Variants in POMT1 observed in about 807,000 individuals in gnomAD.
POMT1 encodes protein O-mannosyl-transferase 1.
Under a neutral mutation model 101.6 loss-of-function variants are expected in POMT1, and 85 were observed. The ratio of observed to expected loss-of-function variants is 0.84; its 90% CI spans 0.70 to 1.00. POMT1 has a LOEUF of 1.00. Ranked by LOEUF, POMT1 falls within the 50% of genes least tolerant of loss-of-function variation. POMT1 has a pLI of 0.00. For missense variants in POMT1, 857 were observed against 930.4 expected, an observed-to-expected ratio of 0.92 and a Z score of 1.03; for synonymous variants, 371 against 383.0, an observed-to-expected ratio of 0.97 and a Z score of 0.37.
chr9:131,510,034 G>A, intron 8 of POMT1, 38 bp downstream of exon 8: 2 of 1,614,156 alleles, frequency 1.2e-6, no homozygotes, highest in Non-Finnish European at 1.7e-6. Context: ...AGGCCGGCCT[G>A]TATGGGGCAG....
At chr9:131,505,942 G>A (rs925532606) in intron 2 of POMT1, among the ~76,000 whole-genome samples, 172 bp from the exon 3 acceptor site, 1 of 152,200 alleles carries the variant, frequency 6.6e-6, no homozygotes, top group Non-Finnish European at 1.5e-5. Context: ...GGTGGGTGAT[G>A]CTGTATGCAT....
Position 131,522,824 on chromosome 9 carries a change from C to T in POMT1, c.2004-108C>T. The stretch of plus-strand genomic sequence containing the variant: ...AAGACACAGAAACCTGAAGGCAGAA[C>T]CCCAGGCCTCGGGGGGTGACCGTGT... On this transcript the variant is annotated intron_variant, in intron 19 of 19. Transcript: ENST00000402686. This position sits in a 1 kb window ranked among gnomAD's most constrained non-coding sequence, Gnocchi z 5.5. 1 of 1,208,164 alleles carries T rather than the reference C, an allele frequency of 8.3e-7. No homozygotes were observed. Among genetic ancestry groups the T allele is most frequent in the Non-Finnish European group, 1.2e-6 (1 of 850,980 alleles). 74.8% of individuals were successfully genotyped at this position (1,208,164 alleles called of 1,614,324 possible). A position where few individuals can be genotyped will look rare whatever the true frequency, so the allele number is the denominator to read the frequency against.
intron 6 of POMT1, 101 bp downstream of exon 6, chr9:131,509,123 G>C (rs554743710): frequency 1.0e-4 from 85 of 844,826 alleles, no homozygotes; most frequent in Non-Finnish European, 1.5e-4. Flanking sequence ...CGTTTTGTGA[G>C]ACAGTACCTT....
intron 9 of POMT1, chr9:131,510,987 TGC>T: frequency 7.4e-6 from 2 of 269,854 alleles, no homozygotes; most frequent in South Asian, 4.8e-5. Context: ...AGTGCTGTAG[TGC>T]TGTGTGTTTC....
At chr9:131,508,236 C>G (rs1342554185) in intron 5 of POMT1, among the ~76,000 whole-genome samples, 1 of 132,348 alleles carries the variant, frequency 7.6e-6, no homozygotes, top group Non-Finnish European at 1.6e-5. Context: ...GACTCCATCT[C>G]AAAAAAAATA....
In POMT1 at chr9:131,509,970, C is replaced by T; in HGVS notation, c.673C>T (p.Leu225=). The T allele has an allele frequency of 1.2e-6, 2 of 1,614,228 alleles. No homozygotes were observed. Among genetic ancestry groups the T allele is most frequent in the Non-Finnish European group, 1.7e-6 (2 of 1,180,036 alleles). ...TGTTGCAGCTGTCCATGCCTGGCAC[C>T]TGCTTGGAGACCAGACTTTGTCCAA... ...LGVAAVHAWH[L]LGDQTLSNVC... The change falls in exon 8 of 20, where the codon CTG becomes TTG. Residue 225 remains leucine (L), a synonymous_variant. Transcript: ENST00000402686.
In POMT1 at chr9:131,519,815, T is replaced by G. The variant is rs1347811095; in HGVS notation, c.1585-265T>G. ...AATCAGAAACTCACGGTCACAAATC[T>G]GAACGTGACCTTAGAGAGCATTCAG... On this transcript the variant is annotated intron_variant, in intron 16 of 19. Transcript: ENST00000402686. This position sits in a 1 kb window ranked among gnomAD's most constrained non-coding sequence, Gnocchi z 4.3. Among the ~76,000 whole-genome samples the G allele has an allele frequency of 6.6e-6, 1 of 152,162 alleles. No homozygotes were observed. Among genetic ancestry groups the G allele is most frequent in the Non-Finnish European group, 1.5e-5 (1 of 68,030 alleles).
chr9:131,504,117 C>T (rs2131552053), intron 1 of POMT1, 72 bp from the exon 2 acceptor site: 1 of 1,572,698 alleles, frequency 6.4e-7, no homozygotes, highest in Non-Finnish European at 8.7e-7. Context: ...GTCCGGGAGC[C>T]GGGTGGCTGG....
At chr9:131,504,078 GC>G in intron 1 of POMT1, 110 bp from the exon 2 acceptor site, 1 of 1,317,670 alleles carries the variant, frequency 7.6e-7, no homozygotes, top group South Asian at 1.2e-5. Context: ...TTTCTCAGCA[GC>G]CCGGCTGTGC....
intron 8 of POMT1, 43 bp downstream of exon 8, chr9:131,510,039 G>C: frequency 6.2e-7 from 1 of 1,614,096 alleles, no homozygotes; most frequent in South Asian, 1.1e-5. Flanking sequence ...GGCCTGTATG[G>C]GGCAGATGCA....
In POMT1 at chr9:131,522,424, G is replaced by C; in HGVS notation, c.2003+200G>C. The C allele has an allele frequency of 1.8e-6, 2 of 1,120,094 alleles. No individual in the cohort carries two copies. The highest frequency in any genetic ancestry group is 2.5e-6 in the Non-Finnish European group (2 of 805,472). 69.4% of individuals were successfully genotyped at this position (1,120,094 alleles called of 1,614,324 possible). The stretch of plus-strand genomic sequence containing the variant: ...GCAGGAACCCAGAGGGAGAAGTCGC[G>C]GCTGACAGAGATGAAAGCGGAGTGG... On this transcript the variant is annotated intron_variant, in intron 19 of 19. Coordinates refer to ENST00000402686, the MANE Select transcript of POMT1 (RefSeq NM_001077365.2). This position sits in a 1 kb window ranked among gnomAD's most constrained non-coding sequence, Gnocchi z 5.5.
At chr9:131,521,533 T>C (rs1311099034) in intron 18 of POMT1, 61 bp downstream of exon 18, 3 of 1,577,156 alleles carry the variant, frequency 1.9e-6, no homozygotes, top group Non-Finnish European at 2.6e-6. Flanking sequence ...TCTTGCTGTG[T>C]TGTCCAGGGT....
At chr9:131,509,340 G>A (rs923690410) in intron 6 of POMT1, among the ~76,000 whole-genome samples, 1 of 152,052 alleles carries the variant, frequency 6.6e-6, no homozygotes, top group South Asian at 2.1e-4. Context: ...TAGTGGAGAC[G>A]GGGTTTCACC....
rs573554708 is a variant in POMT1, at chr9:131,511,262, T to A, written c.856-75T>A. On this transcript the variant is annotated intron_variant, in intron 9 of 19. Transcript: ENST00000402686. ...CTAAACATCACCCCAGAGGGAGGAG[T>A]GGCCATCGGGAAGGCTGGCTTAGGG... 7.0e-5 allele frequency: 102 copies of A among 1,466,696 alleles called. 1 individual carries two copies. Among genetic ancestry groups the A allele is most frequent in the South Asian group, 2.5e-4 (20 of 79,838 alleles). The allele number at this position is 1,466,696 out of a possible 1,614,324, so 90.9% of individuals were successfully genotyped here. A position where few individuals can be genotyped will look rare whatever the true frequency, so the allele number is the denominator to read the frequency against.
In POMT1 at chr9:131,506,216, G is replaced by T; in HGVS notation, c.225G>T (p.Leu75Phe). 1 of 1,613,954 alleles carries T rather than the reference G, an allele frequency of 6.2e-7. No homozygotes were observed. The highest frequency in any genetic ancestry group is 2.2e-5 in the East Asian group (1 of 44,886). Residue 75 changes from leucine (L) to phenylalanine (F), a missense_variant, in exon 3 of 20, where the codon TTG becomes TTT. Transcript: ENST00000402686. ...GPPFGHMVLA[L>F]GGYLGGFDGN... is the part of the protein sequence containing the mutation. ...CATTTGGCCACATGGTGCTGGCCTT[G>T]GGAGGTAGGAGTCATCAGGAGAGTA...
In POMT1 at chr9:131,510,376, C is replaced by T. The variant is rs191404622; in HGVS notation, c.816C>T (p.His272=). ...HLILVFRSGP[H]DQIMSSAFQA... is the part of the protein sequence containing the mutation. Reference sequence around the variant, plus strand: ...TTCTAGTCTTCCGCTCTGGGCCCCACGACCAAATCATGTCCAGTGCCTTCC... The same window carrying T: ...TTCTAGTCTTCCGCTCTGGGCCCCATGACCAAATCATGTCCAGTGCCTTCC... Residue 272 remains histidine (H), a synonymous_variant, in exon 9 of 20, where the codon CAC becomes CAT. Transcript: ENST00000402686. 41 of 1,614,166 alleles carry T rather than the reference C, an allele frequency of 2.5e-5. No homozygotes were observed. The highest frequency in any genetic ancestry group is 1.6e-4 in the Middle Eastern group (1 of 6,062).
Position 131,513,226 on chromosome 9 carries a change from CTG to C in POMT1, c.1083-9_1083-8del, listed in dbSNP as rs781619064. ...CAGGCTCTGTGTGGTCCCGACAGCA[CTG>C]TGTCTTCCAGGCACCAGCTGGTGGT... On this transcript the variant is annotated splice_polypyrimidine_tract_variant and intron_variant, in intron 11 of 19. Transcript: ENST00000402686. The C allele has an allele frequency of 2.7e-5, 43 of 1,611,330 alleles. No individual in the cohort carries two copies. Among genetic ancestry groups the C allele is most frequent in the Non-Finnish European group, 3.5e-5 (41 of 1,178,614 alleles).
At chr9:131,515,684 C>G (rs1280913592) in intron 13 of POMT1, among the ~76,000 whole-genome samples, 162 bp downstream of exon 13, 1 of 150,748 alleles carries the variant, frequency 6.6e-6, no homozygotes, top group Non-Finnish European at 1.5e-5. Flanking sequence ...TCCTCTAACA[C>G]AGGACACTTC....
intron 12 of POMT1, 122 bp downstream of exon 12, chr9:131,513,453 T>A: frequency 2.2e-6 from 2 of 904,332 alleles, no homozygotes; most frequent in Non-Finnish European, 3.5e-6. Context: ...TCTGCATGTG[T>A]AGCAGCTCTT....
Sources: gnomAD v4.1 joint callset for allele counts (sites outside exome capture counted in the v4.1 genomes callset) on GRCh38, gnomAD v4.1.1 for gene constraint, Gnocchi (gnomAD v3.1) non-coding constraint, MANE v1.5 for transcripts, NCBI Gene and HGNC (gene_info 2026-07-23, HGNC 2026-07-21) for gene names.